The following HDAC4 variants were observed in gnomAD, a reference collection of about 807,000 sequenced individuals.
The protein encoded by HDAC4 is histone deacetylase 4, also known as histone deacetylase A.
A neutral mutation model predicts 135.1 loss-of-function variants in HDAC4; 16 were observed. That is an observed-to-expected ratio of 0.12 (90% CI 0.08 to 0.18). The LOEUF (loss-of-function observed/expected upper bound fraction) is 0.18, where lower values mean the gene tolerates loss of function less well. Ranked by LOEUF, HDAC4 falls within the 10% of genes least tolerant of loss-of-function variation. The probability of loss-of-function intolerance (pLI) is 1.00; values close to 1 mark genes in which losing one functional copy is unlikely to be tolerated. For synonymous variants in HDAC4, 685 were observed against 653.4 expected, an observed-to-expected ratio of 1.05 and a Z score of -0.74; for missense variants, 1,143 against 1,511.8, an observed-to-expected ratio of 0.76 and a Z score of 4.05.
intron 2 of HDAC4, among the ~76,000 whole-genome samples, chr2:239,334,635 G>T (rs1559369703): frequency 6.6e-6 from 1 of 152,040 alleles, no homozygotes; most frequent in East Asian, 1.9e-4. Flanking sequence ...TCGTAGATTA[G>T]AAGACTCCTA....
At chr2:239,197,899 G>A (rs2045508208) in intron 3 of HDAC4, among the ~76,000 whole-genome samples, 1 of 127,266 alleles carries the variant, frequency 7.9e-6, no homozygotes, top group African/African-American at 3.0e-5. Flanking sequence ...TGTCACCCAG[G>A]CTGGACTGCA....
chr2:239,327,121 C>A (rs2053494073), intron 2 of HDAC4, among the ~76,000 whole-genome samples: 1 of 152,238 alleles, frequency 6.6e-6, no homozygotes, highest in Admixed American at 6.5e-5. Context: ...AGCAGAGCCC[C>A]AAGGAAGCCA....
At chr2:239,165,548 T>C (rs895323506) in intron 5 of HDAC4, among the ~76,000 whole-genome samples, 1 of 152,180 alleles carries the variant, frequency 6.6e-6, no homozygotes, top group African/African-American at 2.4e-5. Flanking sequence ...TGATAATGGC[T>C]GTATCGAGAG....
intron 3 of HDAC4, among the ~76,000 whole-genome samples, chr2:239,204,345 G>A (rs923891060): frequency 5.3e-5 from 8 of 152,224 alleles, no homozygotes; most frequent in African/African-American, 1.9e-4. Flanking sequence ...CTCGGCCTGG[G>A]CTTTATTAGA....
rs1397336181 is a variant in HDAC4 at position 239,352,285 on chromosome 2, A to G, written c.22+393T>C. Among the ~76,000 whole-genome samples, 1 of 152,124 alleles carries G rather than the reference A, an allele frequency of 6.6e-6. No homozygotes were observed. The highest frequency in any genetic ancestry group is 1.5e-5 in the Non-Finnish European group (1 of 68,010). On this transcript the variant is annotated intron_variant, in intron 2 of 26. Transcript: ENST00000543185. This position sits in a 1 kb window ranked among gnomAD's most constrained non-coding sequence, Gnocchi z 4.4. The stretch of plus-strand genomic sequence containing the variant: ...ATGAGCTTCTTCCCAGACAGCCCAG[A>G]CGCCCAGTTGGAGGAGCACTCCCAC...
rs1273699313 is a variant in HDAC4 at position 239,192,095 on chromosome 2, T to C, written c.95-2018A>G. On this transcript the variant is annotated intron_variant, in intron 3 of 26. Transcript: ENST00000543185. ...GACACAGTAAAAGGTTTTCATTTGC[T>C]ATTATGTGAGAAGAATCTACGCACA... Among the ~76,000 whole-genome samples the C allele has an allele frequency of 2.0e-5, 3 of 152,374 alleles. No homozygotes were observed. In the East Asian group the frequency reaches 5.8e-4, roughly 29 times the overall value.
chr2:239,190,665 GAC>G (rs1236110501), intron 3 of HDAC4, among the ~76,000 whole-genome samples: 4 of 152,210 alleles, frequency 2.6e-5, no homozygotes, highest in African/African-American at 9.6e-5. Flanking sequence ...ATGTTTACCA[GAC>G]ACAGCCAACG....
chr2:239,371,690 C>A (rs868534815), intron 1 of HDAC4, among the ~76,000 whole-genome samples: 3 of 152,196 alleles, frequency 2.0e-5, no homozygotes, highest in Admixed American at 1.3e-4. Context: ...TGTGTGGCAA[C>A]AGCACAGGGG....
intron 2 of HDAC4, among the ~76,000 whole-genome samples, chr2:239,264,902 T>G (rs2049624147): frequency 6.6e-6 from 1 of 152,166 alleles, no homozygotes; most frequent in Non-Finnish European, 1.5e-5. Context: ...GGTGTGGCAA[T>G]GGGCTTTCTT....
chr2:239,321,545 T>G (rs924119196), intron 2 of HDAC4, among the ~76,000 whole-genome samples: 32 of 151,642 alleles, frequency 2.1e-4, no homozygotes, highest in African/African-American at 7.8e-4. Context: ...GGTGAACGTG[T>G]GTAAATGTTG....
intron 16 of HDAC4, among the ~76,000 whole-genome samples, chr2:239,100,742 CCA>C (rs1273572785): frequency 6.6e-6 from 1 of 152,154 alleles, no homozygotes; most frequent in African/African-American, 2.4e-5. Context: ...CTGGTCAAAT[CCA>C]CAGAGGGGTC....
intron 2 of HDAC4, among the ~76,000 whole-genome samples, chr2:239,275,855 C>T (rs533761903): frequency 4.5e-4 from 68 of 152,320 alleles, no homozygotes; most frequent in African/African-American, 1.6e-3. Context: ...CCTCATGGTG[C>T]CACGTGCCAC....
intron 2 of HDAC4, among the ~76,000 whole-genome samples, chr2:239,279,191 T>C (rs2050566495): frequency 6.6e-6 from 1 of 152,188 alleles, no homozygotes; most frequent in Admixed American, 6.5e-5. Context: ...GCAAAGTGCC[T>C]GATTTGCTGT....
At chr2:239,131,921 G>A (rs1454893146) in intron 11 of HDAC4, among the ~76,000 whole-genome samples, 2 of 152,230 alleles carry the variant, frequency 1.3e-5, no homozygotes, top group East Asian at 3.9e-4. Flanking sequence ...AGGCCTTCAA[G>A]GAGAGTCCGG....
rs781150318 is a variant in HDAC4 at position 239,094,991 on chromosome 2, A to G, written c.2280+19T>C. The stretch of plus-strand genomic sequence containing the variant: ...CGAGAAGAAACAGGACATTATTTAC[A>G]CATTAAAGGAACACTTACCCCAACA... On this transcript the variant is annotated intron_variant, in intron 17 of 26. Coordinates refer to ENST00000543185, the MANE Select transcript of HDAC4 (RefSeq NM_001378414.1). The G allele has an allele frequency of 2.5e-5, 40 of 1,613,792 alleles. 1 individual carries two copies. The Admixed American group carries it at 6.2e-4, about 25-fold the overall frequency.
At chr2:239,347,279 G>C (rs536833186) in intron 2 of HDAC4, among the ~76,000 whole-genome samples, 8 of 152,308 alleles carry the variant, frequency 5.3e-5, no homozygotes, top group Admixed American at 5.2e-4. Context: ...CAGAACATGA[G>C]GACTGGAAGC....
intron 13 of HDAC4, among the ~76,000 whole-genome samples, chr2:239,113,730 G>A (rs920610255): frequency 3.3e-5 from 5 of 152,064 alleles, no homozygotes; most frequent in African/African-American, 7.2e-5. Context: ...TACAAGGCCC[G>A]ACCACAGGAA....
rs2043160506 is a variant in HDAC4 at position 239,167,068 on chromosome 2, C to T, written c.491-3145G>A. Among the ~76,000 whole-genome samples, 2 of 151,534 alleles carry T rather than the reference C, an allele frequency of 1.3e-5. No homozygotes were observed. The highest frequency in any genetic ancestry group is 2.9e-5 in the Non-Finnish European group (2 of 67,968). On this transcript the variant is annotated intron_variant, in intron 5 of 26. Transcript: ENST00000543185. The surrounding 1 kb of genome is among the most constrained non-coding windows in gnomAD (Gnocchi z 4.1). The stretch of plus-strand genomic sequence containing the variant: ...TGTTGGAGGGGACTGCCCTGCAGGT[C>T]CCCCTACATGGCCGTCCTTGAGTGG...
At chr2:239,143,122 C>G (rs1400016616) in intron 8 of HDAC4, among the ~76,000 whole-genome samples, 1 of 152,226 alleles carries the variant, frequency 6.6e-6, no homozygotes, top group Non-Finnish European at 1.5e-5. Context: ...CAGGGAAGGA[C>G]TCTGTCTCAC....
Sources: allele counts gnomAD v4.1 joint callset (sites outside exome capture counted in the v4.1 genomes callset), GRCh38; gene constraint gnomAD v4.1.1; non-coding constraint Gnocchi (gnomAD v3.1); transcripts MANE v1.5; gene names NCBI Gene and HGNC (gene_info 2026-07-23, HGNC 2026-07-21).